The following CCDC85A variants were observed in gnomAD, a reference collection of about 807,000 sequenced individuals.
CCDC85A encodes the protein coiled-coil domain-containing protein 85A.
In CCDC85A, 38 loss-of-function variants were observed where a neutral mutation model predicts 50.2. That is an observed-to-expected ratio of 0.76 (90% CI 0.58 to 0.99). The LOEUF (loss-of-function observed/expected upper bound fraction) is 0.99, where lower values mean the gene tolerates loss of function less well. Ranked by LOEUF, CCDC85A falls within the 50% of genes least tolerant of loss-of-function variation. The pLI, the probability that CCDC85A is intolerant of heterozygous loss-of-function variation, is 0.00. For missense variants in CCDC85A, 820 were observed against 742.0 expected (o/e 1.11, Z -1.22); for synonymous variants, 366 against 301.4 (o/e 1.21, Z -2.22).
At chr2:56,317,236 T>A (rs1672962864) in intron 2 of CCDC85A, among the ~76,000 whole-genome samples, 1 of 152,132 alleles carries the variant, frequency 6.6e-6, no homozygotes, top group Non-Finnish European at 1.5e-5. Context: ...ATGTAGTTAC[T>A]CTGATTTCCT....
At chr2:56,294,743 G>T (rs1031893150) in intron 2 of CCDC85A, among the ~76,000 whole-genome samples, 1 of 152,154 alleles carries the variant, frequency 6.6e-6, no homozygotes, top group Non-Finnish European at 1.5e-5. Flanking sequence ...TAATGTTTCT[G>T]GGTTGCTGGA....
chr2:56,276,620 T>C (rs1365479698), intron 2 of CCDC85A, among the ~76,000 whole-genome samples: 1 of 152,182 alleles, frequency 6.6e-6, no homozygotes, highest in African/African-American at 2.4e-5. Flanking sequence ...TCCACCATGA[T>C]TGTGAGGCCT....
chr2:56,271,235 G>A (rs566019594), intron 2 of CCDC85A, among the ~76,000 whole-genome samples: 22 of 152,298 alleles, frequency 1.4e-4, no homozygotes, highest in Admixed American at 1.4e-3. Context: ...GTCTTCAGTA[G>A]GGATCAGAAT....
intron 2 of CCDC85A, among the ~76,000 whole-genome samples, chr2:56,243,529 A>G (rs1331324697): frequency 6.6e-6 from 1 of 152,156 alleles, no homozygotes; most frequent in African/African-American, 2.4e-5. Context: ...TAGAATTTTG[A>G]ATTACCTTTC....
At chr2:56,374,487 C>A (rs550291208) in intron 4 of CCDC85A, among the ~76,000 whole-genome samples, 1 of 152,136 alleles carries the variant, frequency 6.6e-6, no homozygotes, top group Non-Finnish European at 1.5e-5. Flanking sequence ...GTGCAGTTTT[C>A]TCTTCTTATC....
chr2:56,271,421 T>C (rs1415594556), intron 2 of CCDC85A, among the ~76,000 whole-genome samples: 34 of 152,042 alleles, frequency 2.2e-4, no homozygotes, highest in Admixed American at 2.2e-3. Context: ...GAGAACTAAC[T>C]GGAGGTGGGG....
chr2:56,201,639 TG>T (rs1022971848), intron 2 of CCDC85A, among the ~76,000 whole-genome samples: 2 of 152,188 alleles, frequency 1.3e-5, no homozygotes. Flanking sequence ...TTTGGGGGCA[TG>T]GTTTGTGTTT....
intron 1 of CCDC85A, among the ~76,000 whole-genome samples, chr2:56,190,508 T>C (rs181496078): frequency 6.7e-4 from 102 of 152,328 alleles, no homozygotes; most frequent in Non-Finnish European, 3.7e-4. Flanking sequence ...CATTTCTTCT[T>C]ACAAATTGCA....
rs564685457 is a variant in CCDC85A at position 56,258,975 on chromosome 2, G to A, written c.1240+65535G>A. Among the ~76,000 whole-genome samples, 10 of 152,242 alleles carry A rather than the reference G, an allele frequency of 6.6e-5. No homozygotes were observed. The East Asian group carries it at 1.5e-3, about 24-fold the overall frequency. On this transcript the variant is annotated intron_variant, in intron 2 of 5. Transcript: ENST00000407595. ...AAGTTTAGGATAATTGCTGAAGGTC[G>A]GGTGACTTAGGGCCAACACTAAATG...
chr2:56,266,542 C>T (rs1451381627), intron 2 of CCDC85A, among the ~76,000 whole-genome samples: 1 of 144,532 alleles, frequency 6.9e-6, no homozygotes, highest in African/African-American at 2.5e-5. Context: ...ACATTATGCC[C>T]AATAAATATA....
In CCDC85A at chr2:56,379,712, T is replaced by C. The variant is rs557408054; in HGVS notation, c.1572+3777T>C. The stretch of plus-strand genomic sequence containing the variant: ...TTTTATCATAACTAACAAGCTTTTT[T>C]CCATGTGAAATTTGCTTTTCTTTTT... On this transcript the variant is annotated intron_variant, in intron 5 of 5. Transcript: ENST00000407595. The C allele has an allele frequency of 1.3e-5, 10 of 745,580 alleles. No individual in the cohort carries two copies. The South Asian group carries it at 5.5e-4, about 41-fold the overall frequency. 46.2% of individuals were successfully genotyped at this position (745,580 alleles called of 1,614,324 possible).
chr2:56,240,120 A>G (rs1669188662), intron 2 of CCDC85A, among the ~76,000 whole-genome samples: 1 of 152,150 alleles, frequency 6.6e-6, no homozygotes, highest in African/African-American at 2.4e-5. Context: ...ATTTCAGTAC[A>G]TTTTCATCAT....
chr2:56,372,479 G>A lies in CCDC85A; in HGVS notation c.1452+1G>A. On this transcript the variant is annotated splice_donor_variant, in intron 4 of 5. Coordinates refer to ENST00000407595, the MANE Select transcript of CCDC85A (RefSeq NM_001080433.2). LOFTEE classifies it high-confidence loss of function. ...AGGACGATGCCTGCCTACTCTCCCGGTGAGTGAAGATGAGTCAGCTGGATG... is the reference window on the plus strand; with the variant it reads ...AGGACGATGCCTGCCTACTCTCCCGATGAGTGAAGATGAGTCAGCTGGATG... 1.9e-6 allele frequency: 3 copies of A among 1,594,270 alleles called. 1 individual carries two copies. In the South Asian group the frequency reaches 3.4e-5, roughly 18 times the overall value.
intron 2 of CCDC85A, among the ~76,000 whole-genome samples, chr2:56,268,192 A>G (rs1670534770): frequency 6.6e-6 from 1 of 152,232 alleles, no homozygotes; most frequent in African/African-American, 2.4e-5. Context: ...TATATCAGGA[A>G]TAAGAATCAA....
intron 2 of CCDC85A, among the ~76,000 whole-genome samples, chr2:56,250,026 G>A (rs1669686028): frequency 6.6e-6 from 1 of 152,210 alleles, no homozygotes; most frequent in South Asian, 2.1e-4. Flanking sequence ...CAGCAGCCAT[G>A]AAGGGCAGGC....
At chr2:56,355,379 ATTC>A (rs1317497791) in intron 3 of CCDC85A, among the ~76,000 whole-genome samples, 1 of 152,158 alleles carries the variant, frequency 6.6e-6, no homozygotes. Context: ...AAAGCACTGT[ATTC>A]TTCTTAATTC....
chr2:56,366,824 T>C (rs1457328391), intron 3 of CCDC85A, among the ~76,000 whole-genome samples: 2 of 152,198 alleles, frequency 1.3e-5, no homozygotes, highest in Admixed American at 6.5e-5. Context: ...CTTCACCACA[T>C]GTGACGCAGA....
chr2:56,368,676 C>T (rs1000689044), intron 3 of CCDC85A, among the ~76,000 whole-genome samples: 1 of 152,032 alleles, frequency 6.6e-6, no homozygotes, highest in South Asian at 2.1e-4. Flanking sequence ...AATGAGAGGG[C>T]TGGGGTCTCA....
At chr2:56,197,018 T>G (rs1174103177) in intron 2 of CCDC85A, among the ~76,000 whole-genome samples, 1 of 152,206 alleles carries the variant, frequency 6.6e-6, no homozygotes, top group Non-Finnish European at 1.5e-5. Context: ...AGAGCAAGCA[T>G]GAGGAAATCA....
Sources: allele counts gnomAD v4.1 joint callset (sites outside exome capture counted in the v4.1 genomes callset), GRCh38; gene constraint gnomAD v4.1.1; transcripts MANE v1.5; gene names NCBI Gene and HGNC (gene_info 2026-07-23, HGNC 2026-07-21).